Variants in ALDH2 observed in about 807,000 individuals in gnomAD.
ALDH2 encodes the protein aldehyde dehydrogenase, mitochondrial.
In ALDH2, 44 loss-of-function variants were observed where a neutral mutation model predicts 59.6. The ratio of observed to expected loss-of-function variants is 0.74; its 90% CI spans 0.58 to 0.95. The LOEUF (loss-of-function observed/expected upper bound fraction) is 0.95. ALDH2 is among the 40% of genes least tolerant of loss of function. ALDH2 has a pLI of 0.00. For synonymous variants in ALDH2, 291 were observed against 284.0 expected (o/e 1.02, Z -0.25); for missense variants, 570 against 696.3 (o/e 0.82, Z 2.04).
At chr12:111,787,622 G>T (rs1023720890) in intron 4 of ALDH2, among the ~76,000 whole-genome samples, 4 of 152,138 alleles carry the variant, frequency 2.6e-5, no homozygotes, top group African/African-American at 9.7e-5. Flanking sequence ...TGGGCCGGGC[G>T]CAGTGGCTCA....
chr12:111,790,041 A>G, intron 5 of ALDH2, 107 bp downstream of exon 5: 1 of 1,017,016 alleles, frequency 9.8e-7, no homozygotes, highest in African/African-American at 1.6e-5. Flanking sequence ...CCTGGGTGGC[A>G]GGTAAGAAGA....
chr12:111,780,037 G>A (rs999916342), intron 1 of ALDH2, among the ~76,000 whole-genome samples: 6 of 152,036 alleles, frequency 3.9e-5, no homozygotes, highest in Admixed American at 6.6e-5. Flanking sequence ...GACTACAGGC[G>A]CCTGCCACCA....
intron 1 of ALDH2, among the ~76,000 whole-genome samples, chr12:111,781,466 C>T (rs145567970): frequency 3.9e-5 from 6 of 152,242 alleles, no homozygotes; most frequent in East Asian, 1.9e-4. Flanking sequence ...TGGTGCCAGA[C>T]GAGTAAGTGC....
chr12:111,783,570 C>T (rs1248513605), intron 3 of ALDH2, among the ~76,000 whole-genome samples: 3 of 152,092 alleles, frequency 2.0e-5, no homozygotes, highest in Non-Finnish European at 4.4e-5. Flanking sequence ...AGTGCAGTGG[C>T]GACATCTCGG....
At chr12:111,803,718 C>T (rs1259398421) in intron 11 of ALDH2, 141 bp from the exon 12 acceptor site, 2 of 369,540 alleles carry the variant, frequency 5.4e-6, no homozygotes, top group Admixed American at 4.8e-5. Flanking sequence ...GCCTGGGCAA[C>T]AGAGAAAGAT....
At chr12:111,808,700 G>A (rs1295331252) in intron 12 of ALDH2, among the ~76,000 whole-genome samples, 6 of 151,484 alleles carry the variant, frequency 4.0e-5, no homozygotes, top group East Asian at 1.9e-4. Context: ...GTAAGACTCC[G>A]TCTCAAAAAA....
chr12:111,805,756 G>A lies in ALDH2; in HGVS notation c.1521+1783G>A, dbSNP rs536593145. Among the ~76,000 whole-genome samples, 3 of 152,322 alleles carry A rather than the reference G, an allele frequency of 2.0e-5. No individual in the cohort carries two copies. The East Asian group carries it at 5.8e-4, about 29-fold the overall frequency. Reference sequence around the variant, plus strand: ...TAAAAACAAAATGGCCGGGCGCGGTGGCTCACGCGTATAATCCCAGCACTT... The same window carrying A: ...TAAAAACAAAATGGCCGGGCGCGGTAGCTCACGCGTATAATCCCAGCACTT... On this transcript the variant is annotated intron_variant, in intron 12 of 12. Transcript: ENST00000261733.
intron 1 of ALDH2, among the ~76,000 whole-genome samples, chr12:111,779,573 G>A (rs1204393693): frequency 6.6e-6 from 1 of 152,164 alleles, no homozygotes; most frequent in Non-Finnish European, 1.5e-5. Context: ...TTGGCAGCTC[G>A]GTATTCTTTA....
chr12:111,792,817 A>G (rs1024504655), intron 9 of ALDH2, 35 bp downstream of exon 9: 22 of 1,531,396 alleles, frequency 1.4e-5, no homozygotes, highest in Admixed American at 1.0e-4. Context: ...CTGGGTGTCT[A>G]GAGCCAGCAT....
In ALDH2 at chr12:111,789,927, T is replaced by G; in HGVS notation, c.545T>G (p.Ile182Ser). Residue 182 changes from isoleucine (I) to serine (S), a missense_variant, in exon 5 of 13, where the codon ATC becomes AGC. Transcript: ENST00000261733. The part of the protein sequence containing the change: ...RHEPVGVCGQ[I>S]IPWNFPLLMQ... ...GAACCTGTGGGGGTGTGCGGGCAGA[T>G]CATTCCGGTGAGTCCAGCCTCCCTG... The G allele has an allele frequency of 6.2e-7, 1 of 1,614,046 alleles. No individual in the cohort carries two copies. Among genetic ancestry groups the G allele is most frequent in the Non-Finnish European group, 8.5e-7 (1 of 1,179,932 alleles).
chr12:111,817,200 A>G lies in ALDH2; in HGVS notation c.*7625A>G, dbSNP rs910913008. The G allele has an allele frequency of 1.3e-5, 2 of 152,240 alleles. No individual in the cohort carries two copies. Among genetic ancestry groups the G allele is most frequent in the African/African-American group, 4.8e-5 (2 of 41,458 alleles). 9.4% of individuals were successfully genotyped at this position (152,240 alleles called of 1,614,324 possible). On this transcript the variant is annotated 3_prime_UTR_variant, in exon 13 of 13. Coordinates refer to ENST00000261733, the MANE Select transcript of ALDH2 (RefSeq NM_000690.4). ...ACTATGCAAAGCTACAGAGGACATC[A>G]CAACGGAAGTTATTAATGTGACCAA...
chr12:111,808,831 G>A (rs1481597853), intron 12 of ALDH2, among the ~76,000 whole-genome samples: 1 of 152,134 alleles, frequency 6.6e-6, no homozygotes, highest in African/African-American at 2.4e-5. Context: ...GGATTGGAGT[G>A]GTGCAGTGCA....
chr12:111,783,611 G>C (rs1337162181), intron 3 of ALDH2, among the ~76,000 whole-genome samples: 1 of 152,206 alleles, frequency 6.6e-6, no homozygotes, highest in Non-Finnish European at 1.5e-5. Flanking sequence ...CTGGGTTCAA[G>C]TGATTCTCCT....
intron 12 of ALDH2, among the ~76,000 whole-genome samples, chr12:111,808,479 T>C (rs144477040): frequency 0.01 from 1,530 of 152,022 alleles, 29 homozygotes; most frequent in African/African-American, 0.035. Flanking sequence ...CTGAGGCAGG[T>C]GAATCACCTG....
intron 1 of ALDH2, among the ~76,000 whole-genome samples, chr12:111,780,660 G>C (rs975221025): frequency 6.6e-6 from 1 of 151,968 alleles, no homozygotes; most frequent in African/African-American, 2.4e-5. Flanking sequence ...TCTTCCCTTC[G>C]CCTTCATCTG....
chr12:111,792,468 A>G (rs2068368691), intron 8 of ALDH2, 130 bp from the exon 9 acceptor site: 10 of 1,109,520 alleles, frequency 9.0e-6, no homozygotes, highest in African/African-American at 1.6e-5. Flanking sequence ...ATCTCCCTGT[A>G]TCTGTCTCTG....
rs1040362198 is a variant in ALDH2, at chr12:111,814,814, GAC to G, written c.*5243_*5244del. The G allele has an allele frequency of 6.8e-6, 1 of 147,268 alleles. No homozygotes were observed. Among genetic ancestry groups the G allele is most frequent in the Non-Finnish European group, 1.5e-5 (1 of 67,352 alleles). 9.1% of individuals were successfully genotyped at this position (147,268 alleles called of 1,614,324 possible). A position where few individuals can be genotyped will look rare whatever the true frequency, so the allele number is the denominator to read the frequency against. On this transcript the variant is annotated 3_prime_UTR_variant, in exon 13 of 13. Coordinates refer to ENST00000261733, the MANE Select transcript of ALDH2 (RefSeq NM_000690.4). ...GATTGTGCCACTGCACTCCATGGGT[GAC>G]ACAGAGAGACTCTGTCTCAAAAAAA...
Position 111,809,662 on chromosome 12 carries a change from G to T in ALDH2, c.*87G>T. ...CCAAGAAAAATGATCCTTGCGTGCT[G>T]AATATCTGAAAAGAGAAATTTTTCC... On this transcript the variant is annotated 3_prime_UTR_variant, in exon 13 of 13. Transcript: ENST00000261733. 1 of 1,455,446 alleles carries T rather than the reference G, an allele frequency of 6.9e-7. No individual in the cohort carries two copies. The allele number at this position is 1,455,446 out of a possible 1,614,324, so 90.2% of individuals were successfully genotyped here.
chr12:111,808,904 G>A (rs1476455271), intron 12 of ALDH2, among the ~76,000 whole-genome samples: 1 of 152,108 alleles, frequency 6.6e-6, no homozygotes, highest in African/African-American at 2.4e-5. Context: ...TCTGGATATA[G>A]AGAGGAAAAG....
Sources: gnomAD v4.1 joint callset for allele counts (sites outside exome capture counted in the v4.1 genomes callset) on GRCh38, gnomAD v4.1.1 for gene constraint, MANE v1.5 for transcripts, NCBI Gene and HGNC (gene_info 2026-07-23, HGNC 2026-07-21) for gene names.